The following FBRSL1 variants were observed in gnomAD, a reference collection of about 807,000 sequenced individuals.
FBRSL1 encodes the protein fibrosin-1-like protein.
In FBRSL1, 51 loss-of-function variants were observed where a neutral mutation model predicts 89.6. That is an observed-to-expected ratio of 0.57 (90% CI 0.45 to 0.72). FBRSL1 has a LOEUF of 0.72. Ranked by LOEUF, FBRSL1 falls within the 30% of genes least tolerant of loss-of-function variation. FBRSL1 has a pLI of 0.00. For missense variants in FBRSL1, 1,618 were observed against 1,451.8 expected, an observed-to-expected ratio of 1.11 and a Z score of -1.86; for synonymous variants, 779 against 681.1, an observed-to-expected ratio of 1.14 and a Z score of -2.24.
Position 132,495,109 on chromosome 12 carries a change from C to T in FBRSL1, c.291+4248C>T, listed in dbSNP as rs541635036. On this transcript the variant is annotated intron_variant, in intron 1 of 18. Coordinates refer to ENST00000680143, the MANE Select transcript of FBRSL1 (RefSeq NM_001367871.1). ...AGGGGAGGGTACAGGTTTTGAGACACGGCCCGTCGTGGGGAATGTGAGGGT... is the reference window on the plus strand; with the variant it reads ...AGGGGAGGGTACAGGTTTTGAGACATGGCCCGTCGTGGGGAATGTGAGGGT... 3.3e-5 allele frequency among the ~76,000 whole-genome samples: 5 copies of T among 152,280 alleles called. No homozygotes were observed. The East Asian group carries it at 5.8e-4, about 18-fold the overall frequency.
Position 132,583,407 on chromosome 12 carries a change from C to T in FBRSL1, c.2638C>T (p.Pro880Ser), listed in dbSNP as rs972066469. ...PAPGSAALLE[P>S]PERPYRDREP... ...CCCGGGCTCCGCCGCCCTCTTGGAG[C>T]CCCCGGAGCGCCCCTACCGCGACCG... Residue 880 changes from proline to serine, a missense_variant, in exon 19 of 19, where the codon CCC becomes TCC. Transcript: ENST00000680143. 5 of 1,076,812 alleles carry T rather than the reference C, an allele frequency of 4.6e-6. No individual in the cohort carries two copies. Among genetic ancestry groups the T allele is most frequent in the Non-Finnish European group, 4.5e-6 (4 of 888,656 alleles). 66.7% of individuals were successfully genotyped at this position (1,076,812 alleles called of 1,614,324 possible). A position where few individuals can be genotyped will look rare whatever the true frequency, so the allele number is the denominator to read the frequency against.
chr12:132,555,527 C>T lies in FBRSL1; in HGVS notation c.645+7495C>T, dbSNP rs563947567. 6.0e-5 allele frequency among the ~76,000 whole-genome samples: 9 copies of T among 150,752 alleles called. No homozygotes were observed. The East Asian group carries it at 1.0e-3, about 17-fold the overall frequency. ...CTCCACGGTAGCCGCCCCACCCGAG[C>T]GTGAGCGTGGGGGCCACGGTAGCCG... On this transcript the variant is annotated intron_variant, in intron 5 of 18. Transcript: ENST00000680143.
intron 1 of FBRSL1, among the ~76,000 whole-genome samples, chr12:132,494,517 C>G (rs112330717): frequency 2.0e-5 from 3 of 152,348 alleles, no homozygotes; most frequent in South Asian, 2.1e-4. Flanking sequence ...GCTGGCCGCT[C>G]GGCCCCAGTG....
chr12:132,517,358 C>G (rs1373965843), intron 2 of FBRSL1, among the ~76,000 whole-genome samples: 1 of 152,250 alleles, frequency 6.6e-6, no homozygotes, highest in African/African-American at 2.4e-5. Flanking sequence ...CTCCCCACAG[C>G]CTGGGGCTAG....
intron 4 of FBRSL1, among the ~76,000 whole-genome samples, chr12:132,532,772 G>A (rs1214601135): frequency 6.6e-6 from 1 of 152,236 alleles, no homozygotes; most frequent in African/African-American, 2.4e-5. Flanking sequence ...TTGAACAGAG[G>A]GGCCGGTGAG....
Position 132,572,038 on chromosome 12 carries a change from G to A in FBRSL1, c.1378-250G>A, listed in dbSNP as rs916595110. The A allele has an allele frequency of 2.6e-4, 146 of 564,450 alleles. 1 individual carries two copies. Among genetic ancestry groups the A allele is most frequent in the Non-Finnish European group, 3.3e-4 (106 of 317,384 alleles). 35.0% of individuals were successfully genotyped at this position (564,450 alleles called of 1,614,324 possible). On this transcript the variant is annotated intron_variant, in intron 9 of 18. Coordinates refer to ENST00000680143, the MANE Select transcript of FBRSL1 (RefSeq NM_001367871.1). ...CAGGCCTCAGCCAGGCACACAGACT[G>A]CCTGGGGGGGCCGAGTTCCCACCCC...
intron 6 of FBRSL1, among the ~76,000 whole-genome samples, chr12:132,569,224 G>A (rs2039843339): frequency 1.4e-5 from 2 of 143,746 alleles, no homozygotes; most frequent in South Asian, 5.0e-4. Context: ...GGTGGGGGGG[G>A]CAGGCCCCAG....
chr12:132,532,875 C>T (rs1221755534), intron 4 of FBRSL1, among the ~76,000 whole-genome samples: 1 of 152,144 alleles, frequency 6.6e-6, no homozygotes, highest in East Asian at 1.9e-4. Context: ...GGAGCAGAGA[C>T]CCAGCCAGGT....
rs868458112 is a variant in FBRSL1, at chr12:132,511,621, C to T, written c.489+3271C>T. On this transcript the variant is annotated intron_variant, in intron 2 of 18. Transcript: ENST00000680143. ...GTTGACCACCTGGACCCCTGCGCCA[C>T]GTGACAGGAGGCTCTGGTCCTGCAG... The T allele has an allele frequency of 2.9e-5, 29 of 985,524 alleles. No individual in the cohort carries two copies. The African/African-American group carries it at 3.0e-4, about 10-fold the overall frequency. 61.0% of individuals were successfully genotyped at this position (985,524 alleles called of 1,614,324 possible).
At chr12:132,507,236 G>C in intron 1 of FBRSL1, 1 of 985,530 alleles carries the variant, frequency 1.0e-6, no homozygotes, top group Non-Finnish European at 1.2e-6. Context: ...CTTCACTGCT[G>C]CTGTTTTCCT....
chr12:132,562,569 C>T (rs1331733747), intron 5 of FBRSL1, among the ~76,000 whole-genome samples: 3 of 149,474 alleles, frequency 2.0e-5, no homozygotes, highest in Non-Finnish European at 4.4e-5. Flanking sequence ...TGCAGGACCC[C>T]GACCCCGGGG....
chr12:132,576,052 G>A (rs1217671057), intron 14 of FBRSL1, among the ~76,000 whole-genome samples: 1 of 152,256 alleles, frequency 6.6e-6, no homozygotes, highest in East Asian at 1.9e-4. Context: ...CTGAAGTGTG[G>A]CCAGTGCAGG....
chr12:132,571,587 C>G (rs914466948), intron 9 of FBRSL1: 36 of 1,111,610 alleles, frequency 3.2e-5, no homozygotes, highest in Non-Finnish European at 4.1e-5. Context: ...ACGCAGCAGG[C>G]ACACACAGAC....
At chr12:132,572,155 C>T (rs1275810864) in intron 9 of FBRSL1, 133 bp from the exon 10 acceptor site, 7 of 757,084 alleles carry the variant, frequency 9.2e-6, no homozygotes, top group Non-Finnish European at 1.5e-5. Context: ...CCTGGGACGG[C>T]TGGCCGAAGC....
chr12:132,522,353 G>A (rs991543584), intron 2 of FBRSL1, among the ~76,000 whole-genome samples: 10 of 152,226 alleles, frequency 6.6e-5, no homozygotes, highest in Admixed American at 4.6e-4. Context: ...GCTGGGGGAC[G>A]GTGTGGAGGG....
chr12:132,570,879 G>A (rs915589725), intron 8 of FBRSL1, among the ~76,000 whole-genome samples, 189 bp from the exon 9 acceptor site: 5 of 152,328 alleles, frequency 3.3e-5, no homozygotes, highest in East Asian at 1.9e-4. Context: ...TCAAGCAGGC[G>A]CCATCCCAGT....
intron 4 of FBRSL1, among the ~76,000 whole-genome samples, chr12:132,535,813 GTC>G (rs2036666497): frequency 6.8e-6 from 1 of 146,012 alleles, no homozygotes; most frequent in Non-Finnish European, 1.5e-5. Context: ...GTGCACGTGT[GTC>G]CATGATGGTG....
At chr12:132,504,075 A>G (rs568551469) in intron 1 of FBRSL1, among the ~76,000 whole-genome samples, 1 of 152,210 alleles carries the variant, frequency 6.6e-6, no homozygotes, top group Admixed American at 6.5e-5. Context: ...TGGGAAGCAG[A>G]GGGGCCTGCC....
intron 1 of FBRSL1, among the ~76,000 whole-genome samples, chr12:132,494,513 C>T (rs1187397390): frequency 1.3e-5 from 2 of 152,228 alleles, no homozygotes; most frequent in East Asian, 1.9e-4. Flanking sequence ...ACATGCTGGC[C>T]GCTCGGCCCC....
Sources: gnomAD v4.1 joint callset for allele counts (sites outside exome capture counted in the v4.1 genomes callset) on GRCh38, gnomAD v4.1.1 for gene constraint, MANE v1.5 for transcripts, NCBI Gene and HGNC (gene_info 2026-07-23, HGNC 2026-07-21) for gene names.